The following LILRB5 variants were observed in gnomAD, a reference collection of about 807,000 sequenced individuals.
LILRB5 encodes the protein leukocyte immunoglobulin-like receptor subfamily B member 5.
Under a neutral mutation model 68.4 loss-of-function variants are expected in LILRB5, and 61 were observed. The ratio of observed to expected loss-of-function variants is 0.89; its 90% CI spans 0.73 to 1.10. The LOEUF is 1.10. Ranked by LOEUF, LILRB5 falls within the 50% of genes least tolerant of loss-of-function variation. The pLI is 0.00. For missense variants in LILRB5, 771 were observed against 751.6 expected, an observed-to-expected ratio of 1.03 and a Z score of -0.30; for synonymous variants, 356 against 315.8, an observed-to-expected ratio of 1.13 and a Z score of -1.35.
In LILRB5 at chr19:54,252,044, G is replaced by A. The variant is rs569739561; in HGVS notation, c.1629+10C>T. ...GGCCTTTGGTGCCCGGGACAGGGGCGGGGCCTCACCGGAGCATCCATCTCC... is the reference window on the plus strand; with the variant it reads ...GGCCTTTGGTGCCCGGGACAGGGGCAGGGCCTCACCGGAGCATCCATCTCC... On this transcript the variant is annotated intron_variant, in intron 12 of 12. Transcript: ENST00000449561. 35 of 1,613,060 alleles carry A rather than the reference G, an allele frequency of 2.2e-5. No homozygotes were observed. The highest frequency in any genetic ancestry group is 1.8e-4 in the Admixed American group (11 of 60,020).
chr19:54,254,714 G>A, intron 6 of LILRB5, 21 bp downstream of exon 6: 1 of 1,613,300 alleles, frequency 6.2e-7, no homozygotes, highest in Non-Finnish European at 8.5e-7. Flanking sequence ...AGCTTGGACA[G>A]GACAGGGTCA....
intron 7 of LILRB5, 25 bp from the exon 8 acceptor site, chr19:54,254,093 G>T: frequency 6.3e-7 from 1 of 1,584,986 alleles, no homozygotes; most frequent in Non-Finnish European, 8.6e-7. Context: ...GGAGGTGAGG[G>T]CTGGGGCTGC....
intron 8 of LILRB5, chr19:54,253,746 G>C (rs2079031297): frequency 4.1e-6 from 5 of 1,224,026 alleles, no homozygotes. Flanking sequence ...CGGAGCCCCG[G>C]AGCTGCAGGG....
At position 54,254,772 on chromosome 19, in the gene LILRB5, C is replaced by G. The variant is rs928510974; in HGVS notation, c.1218G>C (p.Leu406=). 5 of 1,614,126 alleles carry G rather than the reference C, an allele frequency of 3.1e-6. No homozygotes were observed. The South Asian group carries it at 3.3e-5, about 11-fold the overall frequency. ...GCTCCTGGGGGTAACTAGGGCTGGA[C>G]AGCAGGTAGGGGTAGGACCTGATTG... ...YSAIRSYPYL[L]SSPSYPQELV... The change falls in exon 6 of 13, where the codon CTG becomes CTC. Residue 406 remains leucine, a synonymous_variant. Coordinates refer to ENST00000449561, the MANE Select transcript of LILRB5 (RefSeq NM_001081442.3).
rs1347680756 is a variant in LILRB5 at position 54,255,595 on chromosome 19, A to AGGAATT, written c.656-19_656-14dup. On this transcript the variant is annotated splice_polypyrimidine_tract_variant and intron_variant, in intron 4 of 12. Transcript: ENST00000449561. ...TTCCTAGACACGCCTGGAGGGAAAG[A>AGGAATT]GGAATTGGGACTTGGAAGGCTGGTT... 1 of 1,609,632 alleles carries AGGAATT rather than the reference A, an allele frequency of 6.2e-7. No individual in the cohort carries two copies.
chr19:54,254,006 C>T lies in LILRB5; in HGVS notation c.1357+12G>A. The T allele has an allele frequency of 6.3e-7, 1 of 1,584,474 alleles. No individual in the cohort carries two copies. Among genetic ancestry groups the T allele is most frequent in the Non-Finnish European group, 8.6e-7 (1 of 1,164,372 alleles). ...GTCTCCGCCCACCTCCCACTCAGAG[C>T]CCCTCACTCACCACTCTGGGGATCC... On this transcript the variant is annotated intron_variant, in intron 8 of 12. Coordinates refer to ENST00000449561, the MANE Select transcript of LILRB5 (RefSeq NM_001081442.3).
In LILRB5 at chr19:54,253,823, G is replaced by A. The variant is rs538261584; in HGVS notation, c.1357+195C>T. ...CCTGCCCCAGGTCACCGTCACTGCT[G>A]CCGGTGGGACAGGACAGTCCCCTGA... On this transcript the variant is annotated intron_variant, in intron 8 of 12. Coordinates refer to ENST00000449561, the MANE Select transcript of LILRB5 (RefSeq NM_001081442.3). The A allele has an allele frequency of 1.5e-4, 222 of 1,479,596 alleles. No individual in the cohort carries two copies. The African/African-American group carries it at 2.8e-3, about 19-fold the overall frequency. The allele number at this position is 1,479,596 out of a possible 1,614,324, so 91.7% of individuals were successfully genotyped here.
At chr19:54,254,649 C>A (rs572279926) in intron 6 of LILRB5, 86 bp downstream of exon 6, 3 of 1,541,182 alleles carry the variant, frequency 1.9e-6, no homozygotes, top group Non-Finnish European at 2.7e-6. Context: ...CCCCGCACCG[C>A]GACTCCATCC....
At chr19:54,254,571 G>T (rs2079058913) in intron 6 of LILRB5, 156 bp from the exon 7 acceptor site, 14 of 1,234,734 alleles carry the variant, frequency 1.1e-5, no homozygotes, top group Non-Finnish European at 1.6e-5. Flanking sequence ...TGCCTGGGGA[G>T]CCCCCGTTGT....
rs373885228 is a variant in LILRB5 at position 54,255,580 on chromosome 19, C to T, written c.658G>A (p.Val220Met). ...ATCAGGAGGGAGGGCTTCCTAGACA[C>T]GCCTGGAGGGAAAGAGGAATTGGGA... ...SDLLEILVPG[V>M]SRKPSLLIPQ... The change falls in exon 5 of 13, where the codon GTG becomes ATG. Residue 220 changes from valine to methionine, a missense_variant and splice_region_variant. Val to Met is a conservative substitution (Grantham distance 21, BLOSUM62 1). Transcript: ENST00000449561. 1.1e-4 allele frequency: 175 copies of T among 1,611,868 alleles called. No individual in the cohort carries two copies. Among genetic ancestry groups the T allele is most frequent in the South Asian group, 6.0e-4 (55 of 91,050 alleles).
rs577047874 is a variant in LILRB5 at position 54,254,562 on chromosome 19, G to T, written c.1256-147C>A. 8.1e-6 allele frequency: 10 copies of T among 1,237,364 alleles called. No homozygotes were observed. In the South Asian group the frequency reaches 1.2e-4, roughly 15 times the overall value. 76.6% of individuals were successfully genotyped at this position (1,237,364 alleles called of 1,614,324 possible). On this transcript the variant is annotated intron_variant, in intron 6 of 12. Coordinates refer to ENST00000449561, the MANE Select transcript of LILRB5 (RefSeq NM_001081442.3). Reference sequence around the variant, plus strand: ...AGGAGATGGGGCCAAGTGTGGGCATGCCTGGGGAGCCCCCGTTGTCCTCCT... The same window carrying T: ...AGGAGATGGGGCCAAGTGTGGGCATTCCTGGGGAGCCCCCGTTGTCCTCCT...
In LILRB5 at chr19:54,252,435, TGA is replaced by T. The variant is rs2078989199; in HGVS notation, c.1539-34_1539-33del. The stretch of plus-strand genomic sequence containing the variant: ...GAGGACACGGGAGTGTGAGGGGCAG[TGA>T]GGGGGCTGTGCGGGTGGATGGGAGT... On this transcript the variant is annotated intron_variant, in intron 10 of 12. Transcript: ENST00000449561. 5 of 1,614,004 alleles carry T rather than the reference TGA, an allele frequency of 3.1e-6. No homozygotes were observed. In the South Asian group the frequency reaches 5.5e-5, roughly 18 times the overall value.
rs1569041305 is a variant in LILRB5, at chr19:54,250,458, C to T, written c.*328G>A. On this transcript the variant is annotated 3_prime_UTR_variant, in exon 13 of 13. Transcript: ENST00000449561. ...AGGTTTTATTCTTTTCTAATTCATT[C>T]GCTCATTTGTAGTTTTCCGATTTCA... 6.7e-6 allele frequency: 2 copies of T among 300,534 alleles called. No homozygotes were observed. The highest frequency in any genetic ancestry group is 1.2e-5 in the Non-Finnish European group (2 of 163,328). The allele number at this position is 300,534 out of a possible 1,614,324, so 18.6% of individuals were successfully genotyped here.
chr19:54,254,651 A>C, intron 6 of LILRB5, 84 bp downstream of exon 6: 1 of 1,541,712 alleles, frequency 6.5e-7, no homozygotes, highest in Non-Finnish European at 8.9e-7. Flanking sequence ...CCGCACCGCG[A>C]CTCCATCCCA....
Position 54,255,600 on chromosome 19 carries a change from T to C in LILRB5, c.656-18A>G, listed in dbSNP as rs10404885. ...AGACACGCCTGGAGGGAAAGAGGAA[T>C]TGGGACTTGGAAGGCTGGTTCCTCC... is the stretch of plus-strand genomic sequence containing the variant. On this transcript the variant is annotated intron_variant, in intron 4 of 12. Coordinates refer to ENST00000449561, the MANE Select transcript of LILRB5 (RefSeq NM_001081442.3). 1.4e-3 allele frequency: 2,197 copies of C among 1,607,672 alleles called. 28 individuals carry two copies. The African/African-American group carries it at 0.026, about 19-fold the overall frequency.
In LILRB5 at chr19:54,250,467, G is replaced by A; in HGVS notation, c.*319C>T. 6.1e-6 allele frequency: 2 copies of A among 330,272 alleles called. No homozygotes were observed. Among genetic ancestry groups the A allele is most frequent in the East Asian group, 5.2e-5 (1 of 19,116 alleles). The allele number at this position is 330,272 out of a possible 1,614,324, so 20.5% of individuals were successfully genotyped here. A position where few individuals can be genotyped will look rare whatever the true frequency, so the allele number is the denominator to read the frequency against. Reference sequence around the variant, plus strand: ...TCTTTTCTAATTCATTCGCTCATTTGTAGTTTTCCGATTTCATCATTTAAT... The same window carrying A: ...TCTTTTCTAATTCATTCGCTCATTTATAGTTTTCCGATTTCATCATTTAAT... On this transcript the variant is annotated 3_prime_UTR_variant, in exon 13 of 13. Transcript: ENST00000449561.
chr19:54,252,643 C>G, intron 9 of LILRB5, 94 bp from the exon 10 acceptor site: 4 of 1,409,924 alleles, frequency 2.8e-6, no homozygotes, highest in Non-Finnish European at 4.0e-6. Context: ...ACCTGGAGGC[C>G]CACTGGCACT....
rs2078908091 is a variant in LILRB5, at chr19:54,250,528, A to G, written c.*258T>C. 5 of 514,560 alleles carry G rather than the reference A, an allele frequency of 9.7e-6. No individual in the cohort carries two copies. In the South Asian group the frequency reaches 1.3e-4, roughly 14 times the overall value. The allele number at this position is 514,560 out of a possible 1,614,324, so 31.9% of individuals were successfully genotyped here. On this transcript the variant is annotated 3_prime_UTR_variant, in exon 13 of 13. Coordinates refer to ENST00000449561, the MANE Select transcript of LILRB5 (RefSeq NM_001081442.3). ...TACATTATCATTCCAAATTTATACC[A>G]TGCTCTAATTTCTGTTTCAGTTTTC...
intron 12 of LILRB5, chr19:54,251,259 C>T (rs1036358070): frequency 6.0e-6 from 6 of 1,001,738 alleles, no homozygotes; most frequent in East Asian, 4.9e-5. Flanking sequence ...GATCCGATTA[C>T]ATCCCTTTCC....
Sources: allele counts gnomAD v4.1 joint callset, GRCh38; gene constraint gnomAD v4.1.1; transcripts MANE v1.5; gene names NCBI Gene and HGNC (gene_info 2026-07-23, HGNC 2026-07-21).